ANKH: variants seen among roughly 807,000 people sequenced by gnomAD.
The protein encoded by ANKH is mineralization regulator ANKH.
Under a neutral mutation model 49.0 loss-of-function variants are expected in ANKH, and 15 were observed. The observed-to-expected ratio is 0.31, with a 90% CI of 0.20 to 0.47. The LOEUF (loss-of-function observed/expected upper bound fraction) is 0.47. Among genes scored for constraint, ANKH ranks in the 20% least tolerant of loss-of-function variants. The pLI is 1.00. For synonymous variants in ANKH, 273 were observed against 260.0 expected (o/e 1.05, Z -0.48); for missense variants, 429 against 652.0 (o/e 0.66, Z 3.72).
At position 14,818,510 on chromosome 5, in the gene ANKH, C is replaced by T. The variant is rs919055099; in HGVS notation, c.97-49319G>A. ...TACAAAAATTATCCAGGCATGGTGGCGGGCACCTGTAGTCTTAGCTACTCG... is the reference window on the plus strand; with the variant it reads ...TACAAAAATTATCCAGGCATGGTGGTGGGCACCTGTAGTCTTAGCTACTCG... On this transcript the variant is annotated intron_variant, in intron 1 of 11. Coordinates refer to ENST00000284268, the MANE Select transcript of ANKH (RefSeq NM_054027.6). Among the ~76,000 whole-genome samples the T allele has an allele frequency of 4.6e-5, 7 of 151,630 alleles. 1 individual carries two copies. The highest frequency in any genetic ancestry group is 4.2e-4 in the South Asian group (2 of 4,794).
chr5:14,763,982 G>C (rs767973898), intron 2 of ANKH, among the ~76,000 whole-genome samples: 1 of 152,032 alleles, frequency 6.6e-6, no homozygotes, highest in Non-Finnish European at 1.5e-5. Context: ...CCAGCTACTT[G>C]GGAGGCTGAG....
At chr5:14,765,847 T>C (rs992923305) in intron 2 of ANKH, among the ~76,000 whole-genome samples, 4 of 152,204 alleles carry the variant, frequency 2.6e-5, no homozygotes, top group Admixed American at 1.3e-4. Flanking sequence ...CATCTGCAAC[T>C]GATTTTTCAG....
At chr5:14,796,314 A>C (rs1740383432) in intron 1 of ANKH, among the ~76,000 whole-genome samples, 1 of 152,096 alleles carries the variant, frequency 6.6e-6, no homozygotes, top group African/African-American at 2.4e-5. Flanking sequence ...CTCCTAAAAA[A>C]AAAGCAACTC....
intron 1 of ANKH, among the ~76,000 whole-genome samples, chr5:14,845,022 C>T (rs1184072006): frequency 6.8e-6 from 1 of 146,824 alleles, no homozygotes; most frequent in Non-Finnish European, 1.5e-5. Flanking sequence ...TTTACCTAAG[C>T]GTGCAAGAAA....
intron 1 of ANKH, among the ~76,000 whole-genome samples, chr5:14,816,904 G>A (rs1189743217): frequency 2.0e-5 from 3 of 152,310 alleles, no homozygotes; most frequent in Admixed American, 1.3e-4. Context: ...CTGAGAGCTC[G>A]AGCTTTTACC....
rs113182016 is a variant in ANKH, at chr5:14,767,240, G to A, written c.313+1735C>T. Among the ~76,000 whole-genome samples, 7 of 152,294 alleles carry A rather than the reference G, an allele frequency of 4.6e-5. 1 individual carries two copies. The highest frequency in any genetic ancestry group is 1.3e-4 in the Admixed American group (2 of 15,284). On this transcript the variant is annotated intron_variant, in intron 2 of 11. Coordinates refer to ENST00000284268, the MANE Select transcript of ANKH (RefSeq NM_054027.6). ...GGCAGAAAGGTGAACAAAGATGCCC[G>A]ACGTAGCAGATGGCAAAGGCAAGAG...
chr5:14,718,820 C>T (rs1737567912), intron 8 of ANKH, among the ~76,000 whole-genome samples: 1 of 117,928 alleles, frequency 8.5e-6, no homozygotes, highest in African/African-American at 3.3e-5. Flanking sequence ...ACTCCATCCT[C>T]CCAACACCAC....
intron 1 of ANKH, among the ~76,000 whole-genome samples, chr5:14,858,941 T>C (rs1029367653): frequency 1.3e-5 from 2 of 151,984 alleles, no homozygotes; most frequent in African/African-American, 4.8e-5. Context: ...ATTTAGTCTT[T>C]TTTTTTTAAA....
chr5:14,781,050 G>A (rs537499412), intron 1 of ANKH, among the ~76,000 whole-genome samples: 1 of 152,174 alleles, frequency 6.6e-6, no homozygotes, highest in Non-Finnish European at 1.5e-5. Context: ...CAGCAATTTC[G>A]GATTTTGGTC....
At position 14,769,251 on chromosome 5, in the gene ANKH, A is replaced by G; in HGVS notation, c.97-60T>C. 4 of 1,388,140 alleles carry G rather than the reference A, an allele frequency of 2.9e-6. No homozygotes were observed. In the South Asian group the frequency reaches 4.9e-5, roughly 17 times the overall value. 86.0% of individuals were successfully genotyped at this position (1,388,140 alleles called of 1,614,324 possible). On this transcript the variant is annotated intron_variant, in intron 1 of 11. Coordinates refer to ENST00000284268, the MANE Select transcript of ANKH (RefSeq NM_054027.6). ...AATGTCATCTCTTCTCTGGGGAATCATACCTCTAAGATGAAATTCAGCAGA... is the reference window on the plus strand; with the variant it reads ...AATGTCATCTCTTCTCTGGGGAATCGTACCTCTAAGATGAAATTCAGCAGA...
At chr5:14,798,270 C>G in intron 1 of ANKH, 2 of 1,604,078 alleles carry the variant, frequency 1.2e-6, no homozygotes, top group East Asian at 2.2e-5. Context: ...GGCAGTTAGG[C>G]TGGGCCACTC....
At chr5:14,825,731 G>T (rs1213386421) in intron 1 of ANKH, among the ~76,000 whole-genome samples, 1 of 152,190 alleles carries the variant, frequency 6.6e-6, no homozygotes, top group Non-Finnish European at 1.5e-5. Context: ...GCAATGAGCT[G>T]ACTCATCTGA....
chr5:14,785,230 G>A (rs1464908316), intron 1 of ANKH, among the ~76,000 whole-genome samples: 1 of 152,172 alleles, frequency 6.6e-6, no homozygotes, highest in East Asian at 1.9e-4. Flanking sequence ...AGGTGATATG[G>A]TTTGGATGTT....
intron 8 of ANKH, among the ~76,000 whole-genome samples, chr5:14,726,689 C>A (rs1580009461): frequency 6.6e-6 from 1 of 152,210 alleles, no homozygotes; most frequent in African/African-American, 2.4e-5. Flanking sequence ...CAGTACACCC[C>A]AAATGGAATG....
rs1249256306 is a variant in ANKH, at chr5:14,770,338, GT to G, written c.97-1148del. Among the ~76,000 whole-genome samples the G allele has an allele frequency of 6.6e-6, 1 of 152,046 alleles. No individual in the cohort carries two copies. The highest frequency in any genetic ancestry group is 1.5e-5 in the Non-Finnish European group (1 of 68,034). On this transcript the variant is annotated intron_variant, in intron 1 of 11. Coordinates refer to ENST00000284268, the MANE Select transcript of ANKH (RefSeq NM_054027.6). The surrounding 1 kb of genome is among the most constrained non-coding windows in gnomAD (Gnocchi z 4.1). ...ATTATTACTCAAAGACCAGACAGTA[GT>G]CCCCCCTTATCCTTAGGGGATACAT...
chr5:14,807,617 A>C (rs764644722), intron 1 of ANKH, among the ~76,000 whole-genome samples: 2 of 152,174 alleles, frequency 1.3e-5, no homozygotes, highest in East Asian at 3.8e-4. Flanking sequence ...TTAGATTATA[A>C]ATCTCTGAGA....
chr5:14,843,939 C>T (rs1359649635), intron 1 of ANKH, among the ~76,000 whole-genome samples: 1 of 152,170 alleles, frequency 6.6e-6, no homozygotes, highest in African/African-American at 2.4e-5. Flanking sequence ...ACCAGGATAT[C>T]ATATTTTTTT....
At chr5:14,795,035 C>T (rs961289145) in intron 1 of ANKH, among the ~76,000 whole-genome samples, 1 of 152,208 alleles carries the variant, frequency 6.6e-6, no homozygotes, top group Admixed American at 6.5e-5. Context: ...CAGAAAAATG[C>T]CTGGATGCAA....
chr5:14,712,696 CTTT>C (rs1338571303), intron 11 of ANKH, among the ~76,000 whole-genome samples, 175 bp downstream of exon 11: 3 of 152,208 alleles, frequency 2.0e-5, no homozygotes, highest in Non-Finnish European at 4.4e-5. Flanking sequence ...AGCTTTTCCC[CTTT>C]TTTCTTACCC....
Sources: allele counts gnomAD v4.1 joint callset (sites outside exome capture counted in the v4.1 genomes callset), GRCh38; gene constraint gnomAD v4.1.1; non-coding constraint Gnocchi (gnomAD v3.1); transcripts MANE v1.5; gene names NCBI Gene and HGNC (gene_info 2026-07-23, HGNC 2026-07-21).